The following UBQLN2 variants were observed in gnomAD, a reference collection of about 807,000 sequenced individuals.
The protein encoded by UBQLN2 is ubiquilin-2.
UBQLN2 carries 2 observed loss-of-function variants against 22.2 expected under a neutral mutation model. The observed-to-expected ratio is 0.09, with a 90% confidence interval of 0.04 to 0.28. The LOEUF is 0.28. UBQLN2 is among the 10% of genes least tolerant of loss of function. The pLI, the probability that UBQLN2 is intolerant of heterozygous loss-of-function variation, is 1.00. For missense variants in UBQLN2, 446 were observed against 505.1 expected (o/e 0.88, Z 1.12); for synonymous variants, 252 against 206.7 (o/e 1.22, Z -1.88).
Position 56,564,658 on chromosome X carries a change from C to T in UBQLN2, c.785C>T (p.Pro262Leu). Residue 262 changes from proline (P) to leucine (L), a missense_variant, in exon 1 of 1, where the codon CCA becomes CTA. Around this residue, in one of 3 missense-constraint regions of UBQLN2, gnomAD observed 129 missense variants for 198.1 expected, o/e 0.65. Transcript: ENST00000338222. ...GCTCTTAGCAATCTAGAAAGCATCC[C>T]AGGTGGCTATAATGCTTTACGGCGC... The part of the protein sequence containing the change: ...DLALSNLESI[P>L]GGYNALRRMY... 8.3e-7 allele frequency: 1 copy of T among 1,210,167 alleles called. No homozygotes were observed. The highest frequency in any genetic ancestry group is 1.1e-6 in the Non-Finnish European group (1 of 894,459).
chrX:56,564,274 C>T lies in UBQLN2; in HGVS notation c.401C>T (p.Thr134Ile), dbSNP rs764837088. ...GCGTCGACTCCCAGGAGTAACTCCA[C>T]ACCTATTTCCACAAATAGCAACCCG... ...TSASTPRSNS[T>I]PISTNSNPFG... is the part of the protein sequence containing the mutation. Residue 134 changes from threonine to isoleucine, a missense_variant, in exon 1 of 1, where the codon ACA (threonine) becomes ATA (isoleucine). Physicochemically the swap from Thr to Ile is moderately conservative, Grantham distance 89 (BLOSUM62 -1). This residue lies in a region of UBQLN2 where 129 missense variants were observed against 198.1 expected (regional missense o/e 0.65). Coordinates refer to ENST00000338222, the MANE Select transcript of UBQLN2 (RefSeq NM_013444.4). 2.3e-5 allele frequency: 28 copies of T among 1,209,081 alleles called. No homozygotes were observed. Among genetic ancestry groups the T allele is most frequent in the Non-Finnish European group, 2.9e-5 (26 of 894,967 alleles).
chrX:56,565,804 A>G lies in UBQLN2; in HGVS notation c.*56A>G. 1 of 1,022,028 alleles carries G rather than the reference A, an allele frequency of 9.8e-7. No homozygotes were observed. The highest frequency in any genetic ancestry group is 1.4e-6 in the Non-Finnish European group (1 of 739,501). 84.2% of individuals were successfully genotyped at this position (1,022,028 alleles called of 1,213,427 possible). ...TCTTATTTTTGATAATGGCTCTTAA[A>G]TCTTTAAACACACACACAAAATCGT... On this transcript the variant is annotated 3_prime_UTR_variant, in exon 1 of 1. Coordinates refer to ENST00000338222, the MANE Select transcript of UBQLN2 (RefSeq NM_013444.4).
rs920253380 is a variant in UBQLN2, at chrX:56,566,824, G to C, written c.*1076G>C. 8.2e-6 allele frequency: 1 copy of C among 122,688 alleles called. No individual in the cohort carries two copies. The highest frequency in any genetic ancestry group is 1.9e-5 in the Non-Finnish European group (1 of 53,079). The allele number at this position is 122,688 out of a possible 1,213,427, so 10.1% of individuals were successfully genotyped here. On this transcript the variant is annotated 3_prime_UTR_variant, in exon 1 of 1. Coordinates refer to ENST00000338222, the MANE Select transcript of UBQLN2 (RefSeq NM_013444.4). The stretch of plus-strand genomic sequence containing the variant: ...TCACTGAAAGTGTCATGTGATGTTT[G>C]CATTACTTTTAACTGCTATGTATAA...
chrX:56,564,745 C>A lies in UBQLN2; in HGVS notation c.872C>A (p.Pro291Gln), dbSNP rs772527119. The change falls in exon 1 of 1, where the codon CCA becomes CAA. Residue 291 changes from proline (P) to glutamine (Q), a missense_variant. Around this residue, in one of 3 missense-constraint regions of UBQLN2, gnomAD observed 278 missense variants for 279.4 expected, o/e 1.00. Coordinates refer to ENST00000338222, the MANE Select transcript of UBQLN2 (RefSeq NM_013444.4). ...GCACAAGAGCAGTTTGGGGGTAATC[C>A]ATTTGCCTCCGTGGGGAGTAGTTCC... ...NAAQEQFGGN[P>Q]FASVGSSSSS... 2 of 1,211,379 alleles carry A rather than the reference C, an allele frequency of 1.7e-6. No homozygotes were observed. The highest frequency in any genetic ancestry group is 2.2e-6 in the Non-Finnish European group (2 of 895,452).
chrX:56,565,095 C>G lies in UBQLN2; in HGVS notation c.1222C>G (p.Gln408Glu), dbSNP rs1277108986. The change falls in exon 1 of 1, where the codon CAG becomes GAG. Residue 408 changes from glutamine to glutamate, a missense_variant. Transcript: ENST00000338222. ...SLSQNPDLAA[Q>E]MMLNSPLFTA... ...GAGCCAGAATCCAGATTTGGCTGCA[C>G]AGATGATGCTGAATAGCCCGCTGTT... 2 of 1,210,573 alleles carry G rather than the reference C, an allele frequency of 1.7e-6. No individual in the cohort carries two copies. The highest frequency in any genetic ancestry group is 2.2e-6 in the Non-Finnish European group (2 of 895,320).
Position 56,565,435 on chromosome X carries a change from C to A in UBQLN2, c.1562C>A (p.Pro521His). The A allele has an allele frequency of 8.4e-7, 1 of 1,194,402 alleles. No individual in the cohort carries two copies. Among genetic ancestry groups the A allele is most frequent in the East Asian group, 3.0e-5 (1 of 32,809 alleles). Residue 521 changes from proline to histidine, a missense_variant, in exon 1 of 1, where the codon CCT becomes CAT. Physicochemically the swap from Pro to His is moderately conservative, Grantham distance 77. Around this residue, in one of 3 missense-constraint regions of UBQLN2, gnomAD observed 278 missense variants for 279.4 expected, o/e 1.00. Coordinates refer to ENST00000338222, the MANE Select transcript of UBQLN2 (RefSeq NM_013444.4). Reference sequence around the variant, plus strand: ...ATTGGGCCCATAGGACCCACTGGCCCTGCAGCCCCCCCTGGCTCCACCGGC... The same window carrying A: ...ATTGGGCCCATAGGACCCACTGGCCATGCAGCCCCCCCTGGCTCCACCGGC... The part of the protein sequence containing the change: ...GPIGPIGPTG[P>H]AAPPGSTGSG...
Position 56,563,667 on chromosome X carries a change from A to G in UBQLN2, c.-207A>G. 1 of 349,750 alleles carries G rather than the reference A, an allele frequency of 2.9e-6. No homozygotes were observed. The highest frequency in any genetic ancestry group is 4.9e-6 in the Non-Finnish European group (1 of 205,256). 28.8% of individuals were successfully genotyped at this position (349,750 alleles called of 1,213,427 possible). On this transcript the variant is annotated 5_prime_UTR_variant, in exon 1 of 1. Coordinates refer to ENST00000338222, the MANE Select transcript of UBQLN2 (RefSeq NM_013444.4). ...AGGAGGCCCAGAGACCGGAGCGCGG[A>G]GACCTCAGCCAGCGGCCTACGCCCA...
chrX:56,565,430 T>C lies in UBQLN2; in HGVS notation c.1557T>C (p.Thr519=). The change falls in exon 1 of 1, where the codon ACT becomes ACC. Residue 519 remains threonine (T), a synonymous_variant. Coordinates refer to ENST00000338222, the MANE Select transcript of UBQLN2 (RefSeq NM_013444.4). ...PIGPIGPIGP[T]GPAAPPGSTG... is the part of the protein sequence containing the mutation. ...GCCCCATTGGGCCCATAGGACCCAC[T>C]GGCCCTGCAGCCCCCCCTGGCTCCA... is the stretch of plus-strand genomic sequence containing the variant. 1 of 1,194,504 alleles carries C rather than the reference T, an allele frequency of 8.4e-7. No homozygotes were observed. Among genetic ancestry groups the C allele is most frequent in the Non-Finnish European group, 1.1e-6 (1 of 886,355 alleles).
In UBQLN2 at chrX:56,567,089, TGATGTATG is replaced by T. The variant is rs1166798752; in HGVS notation, c.*1345_*1352del. On this transcript the variant is annotated 3_prime_UTR_variant, in exon 1 of 1. Coordinates refer to ENST00000338222, the MANE Select transcript of UBQLN2 (RefSeq NM_013444.4). ...TGTTTTGTCCTGTCTGGAATTATCT[TGATGTATG>T]GATTTAGGTATTCTAACTTTTTTGC... 8.1e-6 allele frequency: 1 copy of T among 123,092 alleles called. No homozygotes were observed. The highest frequency in any genetic ancestry group is 1.9e-5 in the Non-Finnish European group (1 of 53,116). 10.1% of individuals were successfully genotyped at this position (123,092 alleles called of 1,213,427 possible).
Position 56,563,716 on chromosome X carries a change from G to C in UBQLN2, c.-158G>C. On this transcript the variant is annotated 5_prime_UTR_variant, in exon 1 of 1. Coordinates refer to ENST00000338222, the MANE Select transcript of UBQLN2 (RefSeq NM_013444.4). ...CAGGCCTTTCTCCACCGGAGGACCA[G>C]GGAACCGCAGTCTTCATCACAGAGG... The C allele has an allele frequency of 2.4e-6, 1 of 410,299 alleles. No homozygotes were observed. Among genetic ancestry groups the C allele is most frequent in the East Asian group, 4.1e-5 (1 of 24,134 alleles). The allele number at this position is 410,299 out of a possible 1,213,427, so 33.8% of individuals were successfully genotyped here.
At position 56,563,839 on chromosome X, in the gene UBQLN2, C is replaced by T. The variant is rs763437508; in HGVS notation, c.-35C>T. The T allele has an allele frequency of 8.3e-6, 9 of 1,086,311 alleles. No homozygotes were observed. Among genetic ancestry groups the T allele is most frequent in the African/African-American group, 1.9e-5 (1 of 53,555 alleles). The allele number at this position is 1,086,311 out of a possible 1,213,427, so 89.5% of individuals were successfully genotyped here. On this transcript the variant is annotated 5_prime_UTR_variant, in exon 1 of 1. Coordinates refer to ENST00000338222, the MANE Select transcript of UBQLN2 (RefSeq NM_013444.4). ...TCGCGCTCTCTCTTTCGCCCGCCCG[C>T]GCCTTCCCTGCCCGCCTGCGTCACC... is the stretch of plus-strand genomic sequence containing the variant.
chrX:56,564,396 C>T lies in UBQLN2; in HGVS notation c.523C>T (p.Leu175Phe), dbSNP rs2068630852. 8.3e-7 allele frequency: 1 copy of T among 1,210,089 alleles called. No individual in the cohort carries two copies. Among genetic ancestry groups the T allele is most frequent in the South Asian group, 1.8e-5 (1 of 56,806 alleles). ...SELQSQMQQQ[L>F]MASPEMMIQI... ...GCTCCAGAGCCAGATGCAGCAGCAG[C>T]TTATGGCCAGCCCTGAGATGATGAT... The change falls in exon 1 of 1, where the codon CTT becomes TTT. Residue 175 changes from leucine to phenylalanine, a missense_variant. Physicochemically the swap from Leu to Phe is conservative, Grantham distance 22. This residue lies in a region of UBQLN2 where 129 missense variants were observed against 198.1 expected (regional missense o/e 0.65). Transcript: ENST00000338222.
Position 56,566,234 on chromosome X carries a change from T to TA in UBQLN2, c.*491dup. ...GTAATTTAATGTAGAATGAAGATAT[T>TA]AAAAACAGAAGCAAATTATTTGAAG... On this transcript the variant is annotated 3_prime_UTR_variant, in exon 1 of 1. Coordinates refer to ENST00000338222, the MANE Select transcript of UBQLN2 (RefSeq NM_013444.4). The TA allele has an allele frequency of 6.9e-6, 1 of 144,462 alleles. No individual in the cohort carries two copies. The highest frequency in any genetic ancestry group is 1.5e-5 in the Non-Finnish European group (1 of 65,305). 11.9% of individuals were successfully genotyped at this position (144,462 alleles called of 1,213,427 possible). A position where few individuals can be genotyped will look rare whatever the true frequency, so the allele number is the denominator to read the frequency against.
Position 56,564,926 on chromosome X carries a change from GAACACC to G in UBQLN2, c.1054_1059del (p.Asn352_Thr353del). The G allele has an allele frequency of 8.3e-7, 1 of 1,210,824 alleles. No individual in the cohort carries two copies. ...GCAATAGTTCCAGCAATGCTACTGG[GAACACC>G]GTTGCTGCCGCTAATTATGTCGCCA... On this transcript the variant is annotated inframe_deletion, in exon 1 of 1. Transcript: ENST00000338222.
chrX:56,564,318 G>A lies in UBQLN2; in HGVS notation c.445G>A (p.Gly149Arg). 1 of 1,211,463 alleles carries A rather than the reference G, an allele frequency of 8.3e-7. No individual in the cohort carries two copies. Among genetic ancestry groups the A allele is most frequent in the Non-Finnish European group, 1.1e-6 (1 of 895,251 alleles). ...NSNPFGLGSL[G>R]GLAGLSSLGL... ...CAACCCGTTTGGGTTGGGGAGCCTG[G>A]GAGGACTTGCAGGCCTTAGCAGCCT... is the stretch of plus-strand genomic sequence containing the variant. The change falls in exon 1 of 1, where the codon GGA becomes AGA. Residue 149 changes from glycine (G) to arginine (R), a missense_variant. Physicochemically the swap from Gly to Arg is moderately radical, Grantham distance 125. This residue lies in a region of UBQLN2 where 129 missense variants were observed against 198.1 expected (regional missense o/e 0.65). Coordinates refer to ENST00000338222, the MANE Select transcript of UBQLN2 (RefSeq NM_013444.4).
rs763968218 is a variant in UBQLN2 at position 56,564,629 on chromosome X, C to G, written c.756C>G (p.Asp252Glu). The change falls in exon 1 of 1, where the codon GAC becomes GAG. Residue 252 changes from aspartate to glutamate, a missense_variant. Physicochemically the swap from Asp to Glu is conservative, Grantham distance 45. Around this residue, in one of 3 missense-constraint regions of UBQLN2, gnomAD observed 129 missense variants for 198.1 expected, o/e 0.65. Transcript: ENST00000338222. ...AMMQEMMRNQ[D>E]LALSNLESIP... ...TGCAAGAGATGATGAGAAATCAAGACCTGGCTCTTAGCAATCTAGAAAGCA... is the reference window on the plus strand; with the variant it reads ...TGCAAGAGATGATGAGAAATCAAGAGCTGGCTCTTAGCAATCTAGAAAGCA... 1 of 1,210,728 alleles carries G rather than the reference C, an allele frequency of 8.3e-7. No individual in the cohort carries two copies. The highest frequency in any genetic ancestry group is 1.1e-6 in the Non-Finnish European group (1 of 894,957).
In UBQLN2 at chrX:56,565,047, A is replaced by C; in HGVS notation, c.1174A>C (p.Met392Leu). 1.7e-6 allele frequency: 2 copies of C among 1,211,716 alleles called. No individual in the cohort carries two copies. The highest frequency in any genetic ancestry group is 2.2e-6 in the Non-Finnish European group (2 of 895,360). Residue 392 changes from methionine (M) to leucine (L), a missense_variant, in exon 1 of 1, where the codon ATG becomes CTG. By Grantham distance (15) the Met-to-Leu change is conservative. This residue lies in a region of UBQLN2 where 278 missense variants were observed against 279.4 expected (regional missense o/e 1.00). Transcript: ENST00000338222. ...LIQNMLSAPY[M>L]RSMMQSLSQN... The stretch of plus-strand genomic sequence containing the variant: ...TCAGAATATGCTGTCGGCGCCCTAC[A>C]TGAGAAGCATGATGCAGTCGCTGAG...
At position 56,565,173 on chromosome X, in the gene UBQLN2, C is replaced by T; in HGVS notation, c.1300C>T (p.Leu434=). ...GATGCGGCCACAGCTCCCAGCCTTC[C>T]TGCAGCAGATGCAGAATCCAGACAC... ...EQMRPQLPAF[L]QQMQNPDTLS... Residue 434 remains leucine (L), a synonymous_variant, in exon 1 of 1, where the codon CTG becomes TTG. Coordinates refer to ENST00000338222, the MANE Select transcript of UBQLN2 (RefSeq NM_013444.4). 8.3e-7 allele frequency: 1 copy of T among 1,211,828 alleles called. No individual in the cohort carries two copies. The highest frequency in any genetic ancestry group is 1.1e-6 in the Non-Finnish European group (1 of 895,339).
rs1370164891 is a variant in UBQLN2 at position 56,563,919 on chromosome X, G to A, written c.46G>A (p.Gly16Ser). Reference sequence around the variant, plus strand: ...CAGCGGCCCCCCGCGCCCCTCCCGCGGCCCTGCTGCGGCCCAAGGCTCGGC... The same window carrying A: ...CAGCGGCCCCCCGCGCCCCTCCCGCAGCCCTGCTGCGGCCCAAGGCTCGGC... ...ESSGPPRPSR[G>S]PAAAQGSAAA... is the part of the protein sequence containing the mutation. Residue 16 changes from glycine to serine, a missense_variant, in exon 1 of 1, where the codon GGC (glycine) becomes AGC (serine). Gly to Ser is a moderately conservative substitution (Grantham distance 56, BLOSUM62 0). Coordinates refer to ENST00000338222, the MANE Select transcript of UBQLN2 (RefSeq NM_013444.4). 1 of 1,148,898 alleles carries A rather than the reference G, an allele frequency of 8.7e-7. No individual in the cohort carries two copies. The highest frequency in any genetic ancestry group is 1.2e-6 in the Non-Finnish European group (1 of 863,194). 94.7% of individuals were successfully genotyped at this position (1,148,898 alleles called of 1,213,427 possible).
Sources: allele counts gnomAD v4.1 joint callset, GRCh38; gene constraint gnomAD v4.1.1; regional missense constraint gnomAD v4.1.1; transcripts MANE v1.5; gene names NCBI Gene and HGNC (gene_info 2026-07-23, HGNC 2026-07-21).